TCOF1: variants seen among roughly 807,000 people sequenced by gnomAD.
TCOF1 encodes treacle ribosome biogenesis factor 1.
Under a neutral mutation model 149.0 loss-of-function variants are expected in TCOF1, and 33 were observed. The observed-to-expected ratio is 0.22, with a 90% CI of 0.17 to 0.30. The LOEUF is 0.30. Ranked by LOEUF, TCOF1 falls within the 10% of genes least tolerant of loss-of-function variation. The pLI, the probability that TCOF1 is intolerant of heterozygous loss-of-function variation, is 1.00. For missense variants in TCOF1, 1,728 were observed against 1,840.7 expected (o/e 0.94, Z 1.12); for synonymous variants, 789 against 738.8 (o/e 1.07, Z -1.10).
At chr5:150,378,421 G>C (rs1764299877) in intron 14 of TCOF1, among the ~76,000 whole-genome samples, 1 of 152,080 alleles carries the variant, frequency 6.6e-6, no homozygotes, top group South Asian at 2.1e-4. Context: ...ATCTTGTTCT[G>C]CCGTGGCTGC....
chr5:150,368,055 G>C, intron 4 of TCOF1, 138 bp downstream of exon 4: 1 of 918,200 alleles, frequency 1.1e-6, no homozygotes, highest in African/African-American at 1.6e-5. Flanking sequence ...GTCACCAGTT[G>C]TGGGATCTTA....
intron 24 of TCOF1, among the ~76,000 whole-genome samples, 153 bp downstream of exon 24, chr5:150,396,995 TAA>T (rs1428455934): frequency 2.6e-5 from 4 of 151,748 alleles, no homozygotes; most frequent in Admixed American, 2.0e-4. Flanking sequence ...CCGTCTCTAC[TAA>T]AAATACAAAA....
rs1281192724 is a variant in TCOF1, at chr5:150,375,713, C to A, written c.1705-8C>A. On this transcript the variant is annotated splice_region_variant and splice_polypyrimidine_tract_variant and intron_variant, in intron 11 of 26. Coordinates refer to ENST00000643257, the MANE Select transcript of TCOF1 (RefSeq NM_001371623.1). ...CTCCCTCTCCCGATCCTGTGTATCTCACTCCAGGAAAAGTCCTTGGGGAAC... is the reference window on the plus strand; with the variant it reads ...CTCCCTCTCCCGATCCTGTGTATCTAACTCCAGGAAAAGTCCTTGGGGAAC... 1 of 1,614,142 alleles carries A rather than the reference C, an allele frequency of 6.2e-7. No homozygotes were observed. Among genetic ancestry groups the A allele is most frequent in the East Asian group, 2.2e-5 (1 of 44,884 alleles).
chr5:150,384,690 A>C, intron 17 of TCOF1: 5 of 985,368 alleles, frequency 5.1e-6, no homozygotes, highest in South Asian at 4.7e-5. Flanking sequence ...TTTAAAAAGC[A>C]GAAAAGAAGT....
intron 17 of TCOF1, chr5:150,384,327 T>G (rs1765838673): frequency 1.0e-6 from 1 of 986,260 alleles, no homozygotes; most frequent in Non-Finnish European, 1.2e-6. Flanking sequence ...CTCCCTTTGT[T>G]GTTTGCATTT....
intron 17 of TCOF1, among the ~76,000 whole-genome samples, chr5:150,385,870 GT>G (rs373354573): frequency 6.6e-6 from 1 of 151,948 alleles, no homozygotes; most frequent in African/African-American, 2.4e-5. Flanking sequence ...ACTCCCATCA[GT>G]TTTTTTTCTA....
intron 4 of TCOF1, chr5:150,368,447 A>C: frequency 2.0e-6 from 1 of 509,812 alleles, no homozygotes; most frequent in Non-Finnish European, 3.5e-6. Flanking sequence ...GTAATTATGA[A>C]GTAATGATAA....
chr5:150,368,803 T>G lies in TCOF1; in HGVS notation c.466T>G (p.Ser156Ala). 6.2e-7 allele frequency: 1 copy of G among 1,613,974 alleles called. No homozygotes were observed. The highest frequency in any genetic ancestry group is 8.5e-7 in the Non-Finnish European group (1 of 1,180,006). The change falls in exon 5 of 27, where the codon TCT (serine) becomes GCT (alanine). Residue 156 changes from serine (S) to alanine (A), a missense_variant. By Grantham distance (99) the Ser-to-Ala change is moderately conservative. Around this residue, in one of 2 missense-constraint regions of TCOF1, gnomAD observed 1,696 missense variants for 1,765.4 expected, o/e 0.96. Coordinates refer to ENST00000643257, the MANE Select transcript of TCOF1 (RefSeq NM_001371623.1). ...KTVANLLSGK[S>A]PRKSAEPSAN... Reference sequence around the variant, plus strand: ...GGTGGCCAACCTTCTTTCTGGGAAGTCTCCCAGGAAGTCAGCAGAGCCCTC... The same window carrying G: ...GGTGGCCAACCTTCTTTCTGGGAAGGCTCCCAGGAAGTCAGCAGAGCCCTC...
intron 24 of TCOF1, among the ~76,000 whole-genome samples, chr5:150,397,126 C>T (rs989407296): frequency 7.0e-6 from 1 of 143,392 alleles, no homozygotes; most frequent in Non-Finnish European, 1.5e-5. Context: ...GCATTGCACT[C>T]CAGCCTGGGT....
chr5:150,379,813 T>G (rs1764667484), intron 17 of TCOF1, 81 bp downstream of exon 17: 1 of 1,530,528 alleles, frequency 6.5e-7, no homozygotes, highest in African/African-American at 1.4e-5. Context: ...GGCTCACACC[T>G]GTAATCCTAG....
Position 150,379,568 on chromosome 5 carries a change from G to T in TCOF1, c.2695G>T (p.Ala899Ser). The change falls in exon 17 of 27, where the codon GCC becomes TCC. Residue 899 changes from alanine to serine, a missense_variant. Physicochemically the swap from Ala to Ser is moderately conservative, Grantham distance 99. Transcript: ENST00000643257. ...AGGGAAGACCCACCAGATCAGAGCT[G>T]CCTTGGCTCCTGCCAAGGAGTCCCC... ...PSGKTHQIRA[A>S]LAPAKESPRK... The T allele has an allele frequency of 2.5e-6, 4 of 1,614,172 alleles. No homozygotes were observed. Among genetic ancestry groups the T allele is most frequent in the Middle Eastern group, 1.6e-4 (1 of 6,062 alleles).
rs1270084166 is a variant in TCOF1, at chr5:150,392,058, C to A, written c.3399C>A (p.Val1133=). ...NKLRKPKLPE[V]QQATKAPESS... is the part of the protein sequence containing the mutation. Reference sequence around the variant, plus strand: ...TCAGAAAACCTAAGCTTCCTGAGGTCCAGCAGGCCACCAAAGCCCCTGAGA... The same window carrying A: ...TCAGAAAACCTAAGCTTCCTGAGGTACAGCAGGCCACCAAAGCCCCTGAGA... The change falls in exon 21 of 27, where the codon GTC becomes GTA. Residue 1133 remains valine, a synonymous_variant. Transcript: ENST00000643257. 6.2e-7 allele frequency: 1 copy of A among 1,614,258 alleles called. No individual in the cohort carries two copies. Among genetic ancestry groups the A allele is most frequent in the African/African-American group, 1.3e-5 (1 of 75,076 alleles).
At chr5:150,358,457 C>T (rs1277570310) in intron 1 of TCOF1, among the ~76,000 whole-genome samples, 1 of 152,188 alleles carries the variant, frequency 6.6e-6, no homozygotes, top group African/African-American at 2.4e-5. Flanking sequence ...TCTCTCAGCC[C>T]TCCTGGAGCT....
In TCOF1 at chr5:150,379,215, C is replaced by T. The variant is rs749129990; in HGVS notation, c.2479-14C>T. ...CACTTTTGCCTCCAATACTATTATC[C>T]CCCTGCAATTCAGGTGAAGCCACCA... On this transcript the variant is annotated splice_polypyrimidine_tract_variant and intron_variant, in intron 15 of 26. Coordinates refer to ENST00000643257, the MANE Select transcript of TCOF1 (RefSeq NM_001371623.1). The T allele has an allele frequency of 1.2e-6, 2 of 1,614,192 alleles. No individual in the cohort carries two copies. Among genetic ancestry groups the T allele is most frequent in the Non-Finnish European group, 1.7e-6 (2 of 1,180,034 alleles).
chr5:150,392,566 TA>T, intron 21 of TCOF1, 138 bp from the exon 22 acceptor site: 1 of 783,860 alleles, frequency 1.3e-6, no homozygotes, highest in East Asian at 2.7e-5. Flanking sequence ...GTTGAAGCAG[TA>T]GGAAGACTTG....
chr5:150,390,687 C>T (rs1767243032), intron 19 of TCOF1, among the ~76,000 whole-genome samples: 1 of 152,036 alleles, frequency 6.6e-6, no homozygotes, highest in Admixed American at 6.6e-5. Context: ...GGCGGTGGGG[C>T]TGGTGTGCCA....
In TCOF1 at chr5:150,364,133, A is replaced by G; in HGVS notation, c.185A>G (p.Lys62Arg). 6.2e-7 allele frequency: 1 copy of G among 1,614,140 alleles called. No homozygotes were observed. The highest frequency in any genetic ancestry group is 8.5e-7 in the Non-Finnish European group (1 of 1,180,014). Residue 62 changes from lysine to arginine, a missense_variant, in exon 3 of 27, where the codon AAG becomes AGG. Physicochemically the swap from Lys to Arg is conservative, Grantham distance 26. Around this residue, in one of 2 missense-constraint regions of TCOF1, gnomAD observed 1,696 missense variants for 1,765.4 expected, o/e 0.96. Transcript: ENST00000643257. ...HWQQTSELGR[K>R]RKAEEDAALQ... Reference sequence around the variant, plus strand: ...TGCAGAACCTCAGAGCTTGGTCGGAAGCGGAAGGCAGAGGAAGATGCGGCA... The same window carrying G: ...TGCAGAACCTCAGAGCTTGGTCGGAGGCGGAAGGCAGAGGAAGATGCGGCA...
At chr5:150,389,835 G>A (rs1767043306) in intron 18 of TCOF1, 52 bp from the exon 19 acceptor site, 9 of 1,613,724 alleles carry the variant, frequency 5.6e-6, no homozygotes, top group African/African-American at 1.3e-5. Context: ...CGCTGCTGAG[G>A]AGGCGATGGG....
rs769387785 is a variant in TCOF1, at chr5:150,375,093, A to T, written c.1418A>T (p.Glu473Val). ...AAQVQVGKQE[E>V]DSRSSSEESD... ...CAGGTCCAGGTGGGGAAGCAGGAGGAGGACTCAAGAAGCAGCAGCGAGGAG... is the reference window on the plus strand; with the variant it reads ...CAGGTCCAGGTGGGGAAGCAGGAGGTGGACTCAAGAAGCAGCAGCGAGGAG... The change falls in exon 10 of 27, where the codon GAG (glutamate) becomes GTG (valine). Residue 473 changes from glutamate (E) to valine (V), a missense_variant. By Grantham distance (121) the Glu-to-Val change is moderately radical (BLOSUM62 -2). Coordinates refer to ENST00000643257, the MANE Select transcript of TCOF1 (RefSeq NM_001371623.1). 2.5e-6 allele frequency: 4 copies of T among 1,614,048 alleles called. No homozygotes were observed. In the African/African-American group the frequency reaches 5.3e-5, roughly 22 times the overall value.
Sources: allele counts gnomAD v4.1 joint callset (sites outside exome capture counted in the v4.1 genomes callset), GRCh38; gene constraint gnomAD v4.1.1; regional missense constraint gnomAD v4.1.1; transcripts MANE v1.5; gene names NCBI Gene and HGNC (gene_info 2026-07-23, HGNC 2026-07-21).